Variants in SLC2A7 observed in about 807,000 individuals in gnomAD.
SLC2A7 encodes solute carrier family 2 member 7.
A neutral mutation model predicts 50.5 loss-of-function variants in SLC2A7; 50 were observed. The ratio of observed to expected loss-of-function variants is 0.99; its 90% CI spans 0.79 to 1.25. The LOEUF (loss-of-function observed/expected upper bound fraction) is 1.25, where lower values mean the gene tolerates loss of function less well. SLC2A7 is among the 50% of genes most tolerant of loss of function. The pLI, the probability that SLC2A7 is intolerant of heterozygous loss-of-function variation, is 0.00. For missense variants in SLC2A7, 683 were observed against 679.1 expected (o/e 1.01, Z -0.06); for synonymous variants, 308 against 300.4 (o/e 1.03, Z -0.26).
chr1:9,017,693 G>C (rs1640850732), intron 5 of SLC2A7, among the ~76,000 whole-genome samples: 1 of 152,136 alleles, frequency 6.6e-6, no homozygotes, highest in Non-Finnish European at 1.5e-5. Context: ...TCGGCTTCGT[G>C]TCAGTGATTT....
At chr1:9,013,897 T>C (rs1640787577) in intron 7 of SLC2A7, among the ~76,000 whole-genome samples, 1 of 152,164 alleles carries the variant, frequency 6.6e-6, no homozygotes, top group Non-Finnish European at 1.5e-5. Flanking sequence ...AGTCAGACCA[T>C]ACGACCTCCA....
intron 2 of SLC2A7, among the ~76,000 whole-genome samples, 197 bp from the exon 3 acceptor site, chr1:9,023,275 T>G (rs535638116): frequency 1.3e-5 from 2 of 152,188 alleles, no homozygotes; most frequent in Admixed American, 1.3e-4. Context: ...AATGAGAAAC[T>G]AGGCTGAACA....
chr1:9,005,040 G>C (rs1351876285), intron 10 of SLC2A7, among the ~76,000 whole-genome samples, 161 bp from the exon 11 acceptor site: 1 of 152,224 alleles, frequency 6.6e-6, no homozygotes, highest in African/African-American at 2.4e-5. Flanking sequence ...AAACCAGGGC[G>C]TGATCAGAGC....
chr1:9,019,132 C>T (rs1640873734), intron 4 of SLC2A7, 77 bp downstream of exon 4: 2 of 1,541,548 alleles, frequency 1.3e-6, no homozygotes, highest in African/African-American at 1.4e-5. Flanking sequence ...AGGCAGACAC[C>T]TCATCTGCTC....
Position 9,025,074 on chromosome 1 carries a change from G to C in SLC2A7, c.52C>G (p.Arg18Gly), listed in dbSNP as rs1271974263. The change falls in exon 2 of 12, where the codon CGG becomes GGG. Residue 18 changes from arginine to glycine, a missense_variant and splice_region_variant. By Grantham distance (125) the Arg-to-Gly change is moderately radical. Transcript: ENST00000400906. ...TPPPIPSREG[R>G]LQPTLLLATL... ...GCCAGCAACAGCGTCGGCTGGAGCC[G>C]CTGTAGGAGACAAGTCCAAGGTCGG... 1 of 1,613,468 alleles carries C rather than the reference G, an allele frequency of 6.2e-7. No individual in the cohort carries two copies. The highest frequency in any genetic ancestry group is 1.7e-5 in the Admixed American group (1 of 60,000).
downstream of SLC2A7, among the ~76,000 whole-genome samples, chr1:9,000,928 C>T (rs147230551): frequency 5.3e-5 from 8 of 152,128 alleles, no homozygotes; most frequent in South Asian, 2.1e-4. Flanking sequence ...CCTGGGCCTC[C>T]GAGTCTTCCA....
chr1:8,995,267 T>C, the SLC2A7 span, among the ~76,000 whole-genome samples: 3,369 of 151,094 alleles, frequency 0.022, 43 homozygotes, highest in Middle Eastern at 0.041. Flanking sequence ...GCTAACACCG[T>C]GAAACCCCGT....
chr1:9,006,287 G>T (rs1332739915), intron 10 of SLC2A7, among the ~76,000 whole-genome samples: 1 of 152,178 alleles, frequency 6.6e-6, no homozygotes, highest in South Asian at 2.1e-4. Flanking sequence ...ACAGAGTCTT[G>T]CTCTCTTGCC....
At position 9,003,237 on chromosome 1, in the gene SLC2A7, C is replaced by G; in HGVS notation, c.*63G>C. On this transcript the variant is annotated 3_prime_UTR_variant, in exon 12 of 12. Coordinates refer to ENST00000400906, the MANE Select transcript of SLC2A7 (RefSeq NM_207420.3). The stretch of plus-strand genomic sequence containing the variant: ...TATTATCCTCCCCAGAGCCTGGGGC[C>G]GGGAGGCCCATTGTCATAGAAGGAA... 1 of 1,511,502 alleles carries G rather than the reference C, an allele frequency of 6.6e-7. No homozygotes were observed. The highest frequency in any genetic ancestry group is 9.1e-7 in the Non-Finnish European group (1 of 1,101,118). 93.6% of individuals were successfully genotyped at this position (1,511,502 alleles called of 1,614,324 possible). A position where few individuals can be genotyped will look rare whatever the true frequency, so the allele number is the denominator to read the frequency against.
Position 9,007,315 on chromosome 1 carries a change from C to T in SLC2A7, c.1187G>A (p.Gly396Glu), listed in dbSNP as rs770672809. The change falls in exon 10 of 12, where the codon GGG becomes GAG. Residue 396 changes from glycine to glutamate, a missense_variant. Gly to Glu is a moderately conservative substitution (Grantham distance 98, BLOSUM62 -2). Transcript: ENST00000400906. ...VFAYIAGHSI[G>E]PSPVPSVVRT... ...GGAGGCGTGCAGGTACTCACTGGGC[C>T]CAATGGAATGTCCCGCGATGTAGGC... is the stretch of plus-strand genomic sequence containing the variant. The T allele has an allele frequency of 1.1e-5, 17 of 1,614,058 alleles. No individual in the cohort carries two copies. The Admixed American group carries it at 2.2e-4, about 21-fold the overall frequency.
At position 9,008,958 on chromosome 1, in the gene SLC2A7, T is replaced by C. The variant is rs1181585895; in HGVS notation, c.1116+1185A>G. ...TCTTTCCGAGGGAAACTTTAATTGA[T>C]TTATGAGCATCACTAACACTGTTCG... On this transcript the variant is annotated intron_variant, in intron 9 of 11. Transcript: ENST00000400906. The surrounding 1 kb of genome is among the most constrained non-coding windows in gnomAD (Gnocchi z 5.9). Among the ~76,000 whole-genome samples the C allele has an allele frequency of 6.6e-6, 1 of 152,222 alleles. No individual in the cohort carries two copies. Among genetic ancestry groups the C allele is most frequent in the South Asian group, 2.1e-4 (1 of 4,826 alleles).
chr1:8,999,414 T>C (rs548763535), downstream of SLC2A7, among the ~76,000 whole-genome samples: 6 of 152,380 alleles, frequency 3.9e-5, no homozygotes, highest in South Asian at 1.0e-3. Flanking sequence ...ACCCCCTTAC[T>C]ATCCTGTCCC....
chr1:8,994,852 C>G, the SLC2A7 span, among the ~76,000 whole-genome samples: 1 of 151,948 alleles, frequency 6.6e-6, no homozygotes, highest in Non-Finnish European at 1.5e-5. Flanking sequence ...CTCACTGCAG[C>G]TTCTGCCTCC....
chr1:9,026,159 GCCTGGTTAT>G (rs1226615840), intron 1 of SLC2A7, 127 bp downstream of exon 1: 4 of 950,712 alleles, frequency 4.2e-6, no homozygotes, highest in African/African-American at 1.6e-5. Context: ...GCTCTCCCAG[GCCTGGTTAT>G]CCTGAAGAAA....
chr1:9,003,817 T>G (rs573197083), intron 11 of SLC2A7, among the ~76,000 whole-genome samples: 1 of 151,966 alleles, frequency 6.6e-6, no homozygotes, highest in Non-Finnish European at 1.5e-5. Flanking sequence ...AAGATCGCGC[T>G]ACTGCACTCC....
chr1:9,003,857 AAAAAAC>A (rs1188110574), intron 11 of SLC2A7, among the ~76,000 whole-genome samples: 5 of 151,906 alleles, frequency 3.3e-5, no homozygotes, highest in South Asian at 4.2e-4. Context: ...GACTGTCTCA[AAAAAAC>A]AAAAACAAAA....
chr1:9,001,822 T>TG (rs565206824), downstream of SLC2A7, among the ~76,000 whole-genome samples: 33 of 152,112 alleles, frequency 2.2e-4, 1 homozygote, highest in East Asian at 6.4e-3. Flanking sequence ...GCCCCTGTTG[T>TG]GGGGGGAAGA....
intron 3 of SLC2A7, 54 bp from the exon 4 acceptor site, chr1:9,019,387 T>C: frequency 1.9e-6 from 3 of 1,601,604 alleles, no homozygotes; most frequent in Non-Finnish European, 2.6e-6. Context: ...GCGGAAGCCC[T>C]CCCAACACCA....
At chr1:9,006,971 G>C (rs1272048227) in intron 10 of SLC2A7, among the ~76,000 whole-genome samples, 1 of 152,220 alleles carries the variant, frequency 6.6e-6, no homozygotes, top group Non-Finnish European at 1.5e-5. Context: ...TGAGTGTCTG[G>C]AGGGTGTGGA....
Sources: gnomAD v4.1 joint callset for allele counts (sites outside exome capture counted in the v4.1 genomes callset) on GRCh38, gnomAD v4.1.1 for gene constraint, Gnocchi (gnomAD v3.1) non-coding constraint, MANE v1.5 for transcripts, NCBI Gene and HGNC (gene_info 2026-07-23, HGNC 2026-07-21) for gene names.